The following CTNNA1 variants were observed in gnomAD, a reference collection of about 807,000 sequenced individuals.
The protein encoded by CTNNA1 is catenin alpha 1.
A neutral mutation model predicts 98.4 loss-of-function variants in CTNNA1; 37 were observed. That is an observed-to-expected ratio of 0.38 (90% CI 0.29 to 0.49). CTNNA1 has a LOEUF of 0.49. CTNNA1 is among the 20% of genes least tolerant of loss of function. CTNNA1 has a pLI of 0.95. For missense variants in CTNNA1, 761 were observed against 1,147.2 expected (o/e 0.66, Z 4.86); for synonymous variants, 404 against 413.2 (o/e 0.98, Z 0.27).
At chr5:138,801,667 G>C (rs372382737) in intron 3 of CTNNA1, among the ~76,000 whole-genome samples, 8 of 152,270 alleles carry the variant, frequency 5.3e-5, no homozygotes, top group African/African-American at 1.7e-4. Context: ...CTGCAAATCT[G>C]TTCAGTTTAT....
intron 7 of CTNNA1, among the ~76,000 whole-genome samples, chr5:138,846,623 T>C (rs956523407): frequency 2.4e-4 from 36 of 152,208 alleles, no homozygotes; most frequent in African/African-American, 8.7e-4. Context: ...CTACATTAAA[T>C]CCTATATTGT....
intron 13 of CTNNA1, among the ~76,000 whole-genome samples, chr5:138,926,140 G>T (rs1446290829): frequency 6.6e-6 from 1 of 152,130 alleles, no homozygotes; most frequent in Non-Finnish European, 1.5e-5. Flanking sequence ...GTCATCCCCA[G>T]CAGCCTAGAT....
intron 1 of CTNNA1, among the ~76,000 whole-genome samples, chr5:138,764,672 T>C (rs1226364290): frequency 2.0e-5 from 3 of 151,506 alleles, no homozygotes; most frequent in South Asian, 2.1e-4. Flanking sequence ...GGTTTCTCCA[T>C]GTTGGTCAGG....
At chr5:138,869,734 ATAAT>A (rs1236255480) in intron 7 of CTNNA1, 5 of 152,624 alleles carry the variant, frequency 3.3e-5, no homozygotes, top group Admixed American at 6.6e-5. Flanking sequence ...ATGGATTTTA[ATAAT>A]TAGTGGCGTT....
chr5:138,787,731 A>G (rs985958189), intron 3 of CTNNA1, among the ~76,000 whole-genome samples: 6 of 152,212 alleles, frequency 3.9e-5, no homozygotes, highest in Admixed American at 6.5e-5. Flanking sequence ...ATAATAACCA[A>G]AAGTTGGAAT....
At chr5:138,894,979 C>T (rs1756448408) in intron 9 of CTNNA1, among the ~76,000 whole-genome samples, 1 of 152,162 alleles carries the variant, frequency 6.6e-6, no homozygotes, top group Admixed American at 6.5e-5. Context: ...GTCATTTTTT[C>T]ATTCACCAGT....
intron 7 of CTNNA1, among the ~76,000 whole-genome samples, chr5:138,853,048 C>T (rs1165493369): frequency 5.3e-5 from 8 of 152,174 alleles, no homozygotes; most frequent in Non-Finnish European, 1.0e-4. Flanking sequence ...TGACCACTCC[C>T]CTCCCATGTG....
intron 1 of CTNNA1, among the ~76,000 whole-genome samples, chr5:138,776,910 C>CA (rs1754329760): frequency 7.4e-6 from 1 of 134,698 alleles, no homozygotes; most frequent in Non-Finnish European, 1.6e-5. Context: ...CTGACCCCCC[C>CA]ACCTCCCTCC....
chr5:138,761,732 G>A (rs1448340287), intron 1 of CTNNA1, among the ~76,000 whole-genome samples: 1 of 151,940 alleles, frequency 6.6e-6, no homozygotes, highest in African/African-American at 2.4e-5. Context: ...TTTTTCTCAA[G>A]TGACCAAAAC....
chr5:138,801,349 G>A (rs1757554260), intron 3 of CTNNA1, among the ~76,000 whole-genome samples: 1 of 152,250 alleles, frequency 6.6e-6, no homozygotes, highest in South Asian at 2.1e-4. Flanking sequence ...TGATAAAATA[G>A]GCTAGTATCT....
chr5:138,803,657 AC>A (rs1189782456), intron 3 of CTNNA1, among the ~76,000 whole-genome samples: 1 of 152,164 alleles, frequency 6.6e-6, no homozygotes, highest in African/African-American at 2.4e-5. Flanking sequence ...CCAGATAGCC[AC>A]ATTATTCCTG....
chr5:138,931,163 C>G, intron 16 of CTNNA1: 1 of 519,216 alleles, frequency 1.9e-6, no homozygotes. Context: ...GCTATTGTCT[C>G]TTATGTCTCA....
intron 3 of CTNNA1, among the ~76,000 whole-genome samples, chr5:138,789,489 G>A: frequency 6.6e-6 from 1 of 152,066 alleles, no homozygotes; most frequent in Non-Finnish European, 1.5e-5. Flanking sequence ...TTGGAGTCTT[G>A]CTCTGTCGTC....
chr5:138,913,777 A>AT (rs1298427980), intron 10 of CTNNA1, among the ~76,000 whole-genome samples: 2 of 152,056 alleles, frequency 1.3e-5, no homozygotes, highest in Admixed American at 6.6e-5. Flanking sequence ...TAACATCTTG[A>AT]TTTTTTAAGG....
chr5:138,863,543 G>C (rs1257289558), intron 7 of CTNNA1, among the ~76,000 whole-genome samples: 1 of 152,156 alleles, frequency 6.6e-6, no homozygotes, highest in Non-Finnish European at 1.5e-5. Context: ...ACTGCACCTA[G>C]CTGCTTTATC....
intron 3 of CTNNA1, among the ~76,000 whole-genome samples, chr5:138,799,425 G>T (rs1446092761): frequency 1.3e-5 from 2 of 152,126 alleles, no homozygotes; most frequent in Non-Finnish European, 2.9e-5. Context: ...CTTCCAAAGT[G>T]CTGGGATTAC....
Position 138,827,591 on chromosome 5 carries a change from T to G in CTNNA1, c.935T>G (p.Ile312Ser). 1 of 1,614,178 alleles carries G rather than the reference T, an allele frequency of 6.2e-7. No homozygotes were observed. Among genetic ancestry groups the G allele is most frequent in the Non-Finnish European group, 8.5e-7 (1 of 1,180,024 alleles). ...RPSLEERLES[I>S]ISGAALMADS... ...TCCCTGGAGGAGCGTCTGGAAAGCA[T>G]CATTAGTGGGGCTGCCTTGATGGCC... is the stretch of plus-strand genomic sequence containing the variant. The change falls in exon 7 of 18, where the codon ATC becomes AGC. Residue 312 changes from isoleucine to serine, a missense_variant. Ile to Ser is a moderately radical substitution (Grantham distance 142). This residue lies in a region of CTNNA1 where 287 missense variants were observed against 436.0 expected (regional missense o/e 0.66). Transcript: ENST00000302763.
At chr5:138,852,921 G>C (rs905021628) in intron 7 of CTNNA1, among the ~76,000 whole-genome samples, 1 of 151,910 alleles carries the variant, frequency 6.6e-6, no homozygotes, top group African/African-American at 2.4e-5. Context: ...TGGGATCATT[G>C]TTCACAAATG....
Position 138,765,947 on chromosome 5 carries a change from C to CAAAAA in CTNNA1, c.-3+12457_-3+12461dup, listed in dbSNP as rs1026779147. 2.2e-3 allele frequency among the ~76,000 whole-genome samples: 107 copies of CAAAAA among 48,482 alleles called. 1 individual carries two copies. The highest frequency in any genetic ancestry group is 6.9e-3 in the African/African-American group (104 of 14,996). 31.8% of individuals were successfully genotyped at this position (48,482 alleles called of 152,430 possible). ...CTGGCGATAGAGTGAGACTCTGTCTCAAAAAAAAAAAAAAAAAAAAAAAAG... is the reference window on the plus strand; with the variant it reads ...CTGGCGATAGAGTGAGACTCTGTCTCAAAAAAAAAAAAAAAAAAAAAAAAAAAAAG... On this transcript the variant is annotated intron_variant, in intron 1 of 17. Transcript: ENST00000302763.
Sources: gnomAD v4.1 joint callset for allele counts (sites outside exome capture counted in the v4.1 genomes callset) on GRCh38, gnomAD v4.1.1 for gene constraint, gnomAD v4.1.1 regional missense constraint, MANE v1.5 for transcripts, NCBI Gene and HGNC (gene_info 2026-07-23, HGNC 2026-07-21) for gene names.